NT5C1B: variants seen among roughly 807,000 people sequenced by gnomAD.
NT5C1B encodes the protein cytosolic 5'-nucleotidase 1B.
In NT5C1B, 44 loss-of-function variants were observed where a neutral mutation model predicts 57.8. The ratio of observed to expected loss-of-function variants is 0.76; its 90% CI spans 0.60 to 0.98. NT5C1B has a LOEUF of 0.98. Ranked by LOEUF, NT5C1B falls within the 50% of genes least tolerant of loss-of-function variation. NT5C1B has a pLI of 0.00. For missense variants in NT5C1B, 742 were observed against 719.5 expected (o/e 1.03, Z -0.36); for synonymous variants, 284 against 282.6 (o/e 1.00, Z -0.05).
chr2:18,571,146 CT>C (rs1453449632), intron 8 of NT5C1B, among the ~76,000 whole-genome samples: 8 of 152,304 alleles, frequency 5.3e-5, no homozygotes, highest in Admixed American at 1.3e-4. Flanking sequence ...ACCCTCATCA[CT>C]GTTCTGAACA....
intron 8 of NT5C1B, among the ~76,000 whole-genome samples, chr2:18,566,660 T>A (rs1664669435): frequency 6.6e-6 from 1 of 152,262 alleles, no homozygotes. Context: ...CCCATCTCAT[T>A]CTCTTTTACT....
chr2:18,568,148 A>C (rs1412993578), intron 8 of NT5C1B, among the ~76,000 whole-genome samples: 1 of 151,410 alleles, frequency 6.6e-6, no homozygotes, highest in African/African-American at 2.4e-5. Flanking sequence ...TTCAAACCAA[A>C]GGAAATATAG....
Position 18,584,704 on chromosome 2 carries a change from G to C in NT5C1B, c.533C>G (p.Thr178Arg), listed in dbSNP as rs201047201. The C allele has an allele frequency of 2.5e-6, 4 of 1,612,286 alleles. No individual in the cohort carries two copies. The highest frequency in any genetic ancestry group is 1.7e-5 in the Admixed American group (1 of 59,882). The change falls in exon 4 of 9, where the codon ACG (threonine) becomes AGG (arginine). Residue 178 changes from threonine to arginine, a missense_variant. Physicochemically the swap from Thr to Arg is moderately conservative, Grantham distance 71. Transcript: ENST00000304081. This position sits in a 1 kb window ranked among gnomAD's most constrained non-coding sequence, Gnocchi z 5.8. ...GGAGGACTTCCACTCGGTGGGGGAC[G>C]TGCGCGAATATTCCAGCGGCTGCGA...
Position 18,581,289 on chromosome 2 carries a change from T to C in NT5C1B, c.1021+1579A>G, listed in dbSNP as rs1030109045. ...ACCTTTTGACCTAAGATTCCTTTTTTTTAAAAAAAGGAATATTCTGAAATT... is the reference window on the plus strand; with the variant it reads ...ACCTTTTGACCTAAGATTCCTTTTTCTTAAAAAAAGGAATATTCTGAAATT... On this transcript the variant is annotated intron_variant, in intron 6 of 8. Coordinates refer to ENST00000304081, the Ensembl canonical transcript of NT5C1B. Among the ~76,000 whole-genome samples, 55 of 152,116 alleles carry C rather than the reference T, an allele frequency of 3.6e-4. 3 individuals are homozygous for C. The highest frequency in any genetic ancestry group is 6.5e-5 in the Admixed American group (1 of 15,278).
intron 6 of NT5C1B, among the ~76,000 whole-genome samples, chr2:18,578,832 TAGAA>T (rs1665931720): frequency 6.6e-6 from 1 of 152,104 alleles, no homozygotes. Context: ...GACATTAAAA[TAGAA>T]AGAGAGGAAA....
At position 18,584,660 on chromosome 2, in the gene NT5C1B, A is replaced by G. The variant is rs1666517395; in HGVS notation, c.577T>C (p.Tyr193His). 2 of 1,612,868 alleles carry G rather than the reference A, an allele frequency of 1.2e-6. No individual in the cohort carries two copies. The highest frequency in any genetic ancestry group is 8.5e-7 in the Non-Finnish European group (1 of 1,179,496). ...CGGTCCAGCTGGGTGGAGGCGGGGTAGATCCCCCTGCGCTGGCTGGAGGAC... is the reference window on the plus strand; with the variant it reads ...CGGTCCAGCTGGGTGGAGGCGGGGTGGATCCCCCTGCGCTGGCTGGAGGAC... Residue 193 changes from tyrosine to histidine, a missense_variant, in exon 4 of 9, where the codon TAC becomes CAC. Physicochemically the swap from Tyr to His is moderately conservative, Grantham distance 83 (BLOSUM62 2). Coordinates refer to ENST00000304081, the Ensembl canonical transcript of NT5C1B. This position sits in a 1 kb window ranked among gnomAD's most constrained non-coding sequence, Gnocchi z 5.8.
chr2:18,586,151 A>T, intron 3 of NT5C1B, 103 bp downstream of exon 3: 1 of 1,508,590 alleles, frequency 6.6e-7, no homozygotes, highest in Non-Finnish European at 8.9e-7. Flanking sequence ...TAGCTAACAC[A>T]TGTAAAGCAC....
At chr2:18,582,788 A>C in intron 6 of NT5C1B, 80 bp downstream of exon 6, 2 of 1,554,124 alleles carry the variant, frequency 1.3e-6, no homozygotes, top group Non-Finnish European at 1.7e-6. Context: ...CATTTGGTTA[A>C]GCCACAGTTA....
chr2:18,565,050 T>A (rs962308764), intron 8 of NT5C1B, among the ~76,000 whole-genome samples: 49 of 152,188 alleles, frequency 3.2e-4, no homozygotes, highest in Non-Finnish European at 1.2e-4. Context: ...CTAATTTTAG[T>A]CATTTATTTA....
Position 18,576,172 on chromosome 2 carries a change from C to T in NT5C1B, c.1329+12G>A, listed in dbSNP as rs1206884563. ...AAGTACATAAAAATTAATTAGCACT[C>T]ATTGAACCTACCTGAGCAAGAGGCT... On this transcript the variant is annotated intron_variant, in intron 8 of 8. Transcript: ENST00000304081. The T allele has an allele frequency of 6.3e-7, 1 of 1,596,044 alleles. No individual in the cohort carries two copies. The highest frequency in any genetic ancestry group is 8.5e-7 in the Non-Finnish European group (1 of 1,175,266).
At chr2:18,569,306 G>C (rs1664937856) in intron 8 of NT5C1B, among the ~76,000 whole-genome samples, 1 of 151,830 alleles carries the variant, frequency 6.6e-6, no homozygotes, top group African/African-American at 2.4e-5. Context: ...TAAGTAAATA[G>C]GGGAAAAAAG....
exon 9 of NT5C1B, chr2:18,563,832 G>A (rs528292689): frequency 1.8e-5 from 28 of 1,589,336 alleles, no homozygotes; most frequent in Middle Eastern, 3.4e-4. Context: ...CATAAGCTGC[G>A]ATGGAACCTA....
exon 1 of NT5C1B, chr2:18,589,466 C>A (rs745514562): frequency 1.2e-6 from 2 of 1,613,932 alleles, no homozygotes; most frequent in African/African-American, 2.7e-5. Flanking sequence ...ATGTTTGACT[C>A]ATTTTTTTAC....
chr2:18,586,103 G>T (rs756658570), intron 3 of NT5C1B, 151 bp downstream of exon 3: 14 of 1,232,366 alleles, frequency 1.1e-5, no homozygotes, highest in Non-Finnish European at 1.5e-5. Context: ...GGCAAAATGG[G>T]ATTTACGGGC....
intron 8 of NT5C1B, among the ~76,000 whole-genome samples, chr2:18,572,766 T>C (rs1665322209): frequency 6.6e-6 from 1 of 151,970 alleles, no homozygotes; most frequent in Non-Finnish European, 1.5e-5. Flanking sequence ...TAAAATTGCT[T>C]AAAGAAAGAA....
chr2:18,571,043 C>T (rs549338345), intron 8 of NT5C1B, among the ~76,000 whole-genome samples: 1 of 152,244 alleles, frequency 6.6e-6, no homozygotes, highest in African/African-American at 2.4e-5. Context: ...CTCCCTCAAC[C>T]TGACAAAAGG....
intron 8 of NT5C1B, among the ~76,000 whole-genome samples, chr2:18,572,128 C>G (rs1665259355): frequency 6.9e-6 from 1 of 145,000 alleles, no homozygotes; most frequent in Non-Finnish European, 1.5e-5. Flanking sequence ...CTACAATAAT[C>G]AAGACAATGT....
At chr2:18,587,153 C>G (rs769268101) in intron 2 of NT5C1B, 2 of 1,613,496 alleles carry the variant, frequency 1.2e-6, no homozygotes, top group Non-Finnish European at 8.5e-7. Context: ...GCGAGTGATT[C>G]GGATTGACTG....
At chr2:18,587,104 G>T (rs199544140) in intron 2 of NT5C1B, 3 of 1,613,826 alleles carry the variant, frequency 1.9e-6, no homozygotes, top group African/African-American at 1.3e-5. Flanking sequence ...CAAAGGCAGC[G>T]TCTACACGAC....
Sources: allele counts gnomAD v4.1 joint callset (sites outside exome capture counted in the v4.1 genomes callset), GRCh38; gene constraint gnomAD v4.1.1; non-coding constraint Gnocchi (gnomAD v3.1); transcripts MANE v1.5; gene names NCBI Gene and HGNC (gene_info 2026-07-23, HGNC 2026-07-21).